Variants in ATXN2 observed in about 807,000 individuals in gnomAD.
ATXN2 encodes the protein ataxin 2.
In ATXN2, 37 loss-of-function variants were observed where a neutral mutation model predicts 138.6. The observed-to-expected ratio is 0.27, with a 90% CI of 0.21 to 0.35. The LOEUF (loss-of-function observed/expected upper bound fraction) is 0.35, where lower values mean the gene tolerates loss of function less well. Among genes scored for constraint, ATXN2 ranks in the 10% least tolerant of loss-of-function variants. ATXN2 has a pLI of 1.00. For missense variants in ATXN2, 1,216 were observed against 1,480.3 expected (o/e 0.82, Z 2.93); for synonymous variants, 549 against 543.7 (o/e 1.01, Z -0.13).
Position 111,500,647 on chromosome 12 carries a change from G to C in ATXN2, c.1935+8902C>G, listed in dbSNP as rs527295388. Reference sequence around the variant, plus strand: ...CCCAGCACTTTGGGAGGCTGTGGCAGCCGGATCACAAGGTCAAGAGATCAA... The same window carrying C: ...CCCAGCACTTTGGGAGGCTGTGGCACCCGGATCACAAGGTCAAGAGATCAA... On this transcript the variant is annotated intron_variant, in intron 14 of 24. Coordinates refer to ENST00000673436, the MANE Select transcript of ATXN2 (RefSeq NM_001372574.1). 2.8e-3 allele frequency among the ~76,000 whole-genome samples: 423 copies of C among 152,332 alleles called. 4 individuals are homozygous for C. Among genetic ancestry groups the C allele is most frequent in the African/African-American group, 9.6e-3 (400 of 41,576 alleles).
In ATXN2 at chr12:111,470,736, T is replaced by C. The variant is rs767312980; in HGVS notation, c.2531A>G (p.Asn844Ser). The change falls in exon 19 of 25, where the codon AAT (asparagine) becomes AGT (serine). Residue 844 changes from asparagine to serine, a missense_variant. Physicochemically the swap from Asn to Ser is conservative, Grantham distance 46 (BLOSUM62 1). Around this residue, in one of 4 missense-constraint regions of ATXN2, gnomAD observed 490 missense variants for 653.5 expected, o/e 0.75. Transcript: ENST00000673436. ...AKTYRAGKVP[N>S]MPQQRQDQHH... ...CTGGTCTTGCCGCTGTTGGGGCATA[T>C]TTGGTACTGCAGAAAAAAAAGCAGA... The C allele has an allele frequency of 1.1e-5, 17 of 1,613,936 alleles. No homozygotes were observed. The South Asian group carries it at 1.9e-4, about 18-fold the overall frequency.
intron 1 of ATXN2, among the ~76,000 whole-genome samples, chr12:111,586,204 C>T (rs1239878205): frequency 1.3e-5 from 2 of 151,256 alleles, no homozygotes; most frequent in Non-Finnish European, 2.9e-5. Context: ...CATGCCCAGC[C>T]ACCAGTCTTC....
chr12:111,469,749 C>G (rs1876272239), intron 20 of ATXN2: 1 of 294,520 alleles, frequency 3.4e-6, no homozygotes. Flanking sequence ...CTGGAGAACA[C>G]CTTTATGCTT....
intron 5 of ATXN2, among the ~76,000 whole-genome samples, chr12:111,551,802 CAACAAAAATGCATT>C (rs776655782): frequency 6.6e-6 from 1 of 152,052 alleles, no homozygotes; most frequent in Non-Finnish European, 1.5e-5. Context: ...AATTGTTTTC[CAACAAAAATGCATT>C]AACATTCTCA....
rs760329887 is a variant in ATXN2, at chr12:111,552,452, AG to A, written c.421-23del. ...CACACTAAAATGAAAAACACAAGTA[AG>A]TACTCCAAACCTTTACAAAATAAAA... On this transcript the variant is annotated intron_variant, in intron 4 of 24. Transcript: ENST00000673436. The surrounding 1 kb of genome is among the most constrained non-coding windows in gnomAD (Gnocchi z 4.1). 4 of 1,601,858 alleles carry A rather than the reference AG, an allele frequency of 2.5e-6. No individual in the cohort carries two copies. The Admixed American group carries it at 7.1e-5, about 28-fold the overall frequency.
chr12:111,509,690 G>C, intron 13 of ATXN2, 71 bp from the exon 14 acceptor site: 1 of 996,258 alleles, frequency 1.0e-6, no homozygotes, highest in Non-Finnish European at 1.5e-6. Flanking sequence ...TTTAGTATGA[G>C]ATGATAGAAA....
intron 18 of ATXN2, 29 bp from the exon 19 acceptor site, chr12:111,470,771 A>C: frequency 6.2e-7 from 1 of 1,610,516 alleles, no homozygotes; most frequent in Non-Finnish European, 8.5e-7. Context: ...ACTGCCTATT[A>C]AACAGTATCT....
chr12:111,553,321 T>A (rs1882214209), intron 3 of ATXN2, among the ~76,000 whole-genome samples: 2 of 152,122 alleles, frequency 1.3e-5, no homozygotes, highest in Admixed American at 1.3e-4. Flanking sequence ...TTGTTATTGG[T>A]AGGGGACTGG....
chr12:111,506,154 A>G (rs1879092040), intron 14 of ATXN2, among the ~76,000 whole-genome samples: 1 of 152,192 alleles, frequency 6.6e-6, no homozygotes, highest in African/African-American at 2.4e-5. Context: ...AAGCCCATCC[A>G]TAGAGACAGA....
intron 1 of ATXN2, among the ~76,000 whole-genome samples, chr12:111,587,094 G>C (rs190922229): frequency 4.8e-5 from 4 of 83,486 alleles, no homozygotes; most frequent in Non-Finnish European, 1.1e-4. Context: ...AAAAAAAAAA[G>C]AACTCCCCTT....
chr12:111,474,782 G>A (rs562592135), intron 18 of ATXN2, among the ~76,000 whole-genome samples: 5 of 152,264 alleles, frequency 3.3e-5, no homozygotes, highest in East Asian at 1.9e-4. Context: ...CAATACATTC[G>A]TAATAAAAAG....
At chr12:111,495,409 T>G (rs1011546740) in intron 14 of ATXN2, among the ~76,000 whole-genome samples, 3 of 151,532 alleles carry the variant, frequency 2.0e-5, no homozygotes, top group Non-Finnish European at 4.4e-5. Flanking sequence ...GAAAACAATA[T>G]TCCATGCAAA....
intron 1 of ATXN2, among the ~76,000 whole-genome samples, chr12:111,564,111 C>G (rs1882852041): frequency 6.6e-6 from 1 of 152,124 alleles, no homozygotes; most frequent in African/African-American, 2.4e-5. Flanking sequence ...GATATAGCCC[C>G]CAAAGGCACA....
intron 1 of ATXN2, among the ~76,000 whole-genome samples, chr12:111,577,755 ACTTT>A (rs1428537157): frequency 2.6e-5 from 4 of 151,980 alleles, no homozygotes. Context: ...ACCACAGTGA[ACTTT>A]CTGTCTGCAG....
chr12:111,559,066 G>A lies in ATXN2; in HGVS notation c.252-3147C>T. Among the ~76,000 whole-genome samples the A allele has an allele frequency of 1.3e-5, 2 of 151,308 alleles. 1 individual carries two copies. The highest frequency in any genetic ancestry group is 1.3e-4 in the Admixed American group (2 of 15,212). On this transcript the variant is annotated intron_variant, in intron 1 of 24. Transcript: ENST00000673436. ...ATTAAGATGGAAGAATATATTAACT[G>A]ATACCATGAGGTTCCTCACAGTTTA...
intron 5 of ATXN2, among the ~76,000 whole-genome samples, chr12:111,546,508 C>T (rs1881807946): frequency 6.6e-6 from 1 of 151,936 alleles, no homozygotes; most frequent in African/African-American, 2.4e-5. Flanking sequence ...ATCATCTAGG[C>T]TGAGAATACT....
At chr12:111,478,714 T>C (rs1876999755) in intron 18 of ATXN2, among the ~76,000 whole-genome samples, 2 of 152,150 alleles carry the variant, frequency 1.3e-5, no homozygotes. Flanking sequence ...AATTGAAATA[T>C]GTATTTACCA....
intron 5 of ATXN2, among the ~76,000 whole-genome samples, chr12:111,551,724 G>A (rs1265702649): frequency 1.3e-5 from 2 of 152,070 alleles, no homozygotes; most frequent in East Asian, 1.9e-4. Flanking sequence ...CAAAACTGTA[G>A]AAAATGCTTT....
Position 111,552,228 on chromosome 12 carries a change from G to A in ATXN2, c.571+52C>T. 1 of 1,501,654 alleles carries A rather than the reference G, an allele frequency of 6.7e-7. No homozygotes were observed. 93.0% of individuals were successfully genotyped at this position (1,501,654 alleles called of 1,614,324 possible). A position where few individuals can be genotyped will look rare whatever the true frequency, so the allele number is the denominator to read the frequency against. ...TTGTAAGATCACTGTGAAAATCTTT[G>A]CTTGAATAAATCTAATAAACCATGA... On this transcript the variant is annotated intron_variant, in intron 5 of 24. Transcript: ENST00000673436. The surrounding 1 kb of genome is among the most constrained non-coding windows in gnomAD (Gnocchi z 4.1).
Sources: allele counts gnomAD v4.1 joint callset (sites outside exome capture counted in the v4.1 genomes callset), GRCh38; gene constraint gnomAD v4.1.1; regional missense constraint gnomAD v4.1.1; non-coding constraint Gnocchi (gnomAD v3.1); transcripts MANE v1.5; gene names NCBI Gene and HGNC (gene_info 2026-07-23, HGNC 2026-07-21).